SPSB4: variants seen among roughly 807,000 people sequenced by gnomAD.
SPSB4 encodes the protein splA/ryanodine receptor domain and SOCS box containing 4.
Under a neutral mutation model 20.9 loss-of-function variants are expected in SPSB4, and 21 were observed. The ratio of observed to expected loss-of-function variants is 1.01; its 90% CI spans 0.71 to 1.45. The LOEUF (loss-of-function observed/expected upper bound fraction) is 1.45. Among genes scored for constraint, SPSB4 ranks in the 40% most tolerant of loss-of-function variants. The probability of loss-of-function intolerance (pLI) is 0.00; values close to 1 mark genes in which losing one functional copy is unlikely to be tolerated. For missense variants in SPSB4, 399 were observed against 399.2 expected, an observed-to-expected ratio of 1.00 and a Z score of 0.00; for synonymous variants, 207 against 183.8, an observed-to-expected ratio of 1.13 and a Z score of -1.02.
chr3:141,078,455 C>G (rs993610881), intron 2 of SPSB4, among the ~76,000 whole-genome samples: 1 of 152,142 alleles, frequency 6.6e-6, no homozygotes. Context: ...CCACAATGCT[C>G]CAGATTCCCA....
chr3:141,057,315 A>G lies in SPSB4; in HGVS notation c.-154+5323A>G, dbSNP rs1273181689. ...CTCCCTACTTAATATTTGCACAAGA[A>G]AAATCTTAAAAACATTCCAGTTAAA... On this transcript the variant is annotated intron_variant, in intron 1 of 2. Coordinates refer to ENST00000310546, the MANE Select transcript of SPSB4 (RefSeq NM_080862.3). Among the ~76,000 whole-genome samples the G allele has an allele frequency of 2.6e-5, 4 of 152,344 alleles. 1 individual carries two copies. In the East Asian group the frequency reaches 7.7e-4, roughly 29 times the overall value.
At chr3:141,119,162 T>G (rs1385733998) in intron 2 of SPSB4, among the ~76,000 whole-genome samples, 1 of 152,350 alleles carries the variant, frequency 6.6e-6, no homozygotes, top group East Asian at 1.9e-4. Context: ...CTCTTTTATT[T>G]CATTGAGCAG....
intron 1 of SPSB4, among the ~76,000 whole-genome samples, chr3:141,060,017 A>G (rs1201970663): frequency 6.6e-6 from 1 of 152,208 alleles, no homozygotes; most frequent in Admixed American, 6.5e-5. Context: ...ACGGCTTATC[A>G]TTCATGGACA....
intron 2 of SPSB4, chr3:141,115,364 A>G (rs977111226): frequency 3.9e-5 from 6 of 152,238 alleles, no homozygotes; most frequent in Admixed American, 3.9e-4. Context: ...CTGTCAGCTC[A>G]GTGCTGGATC....
intron 2 of SPSB4, among the ~76,000 whole-genome samples, chr3:141,109,994 A>G (rs1938769766): frequency 6.6e-6 from 1 of 152,098 alleles, no homozygotes; most frequent in Admixed American, 6.5e-5. Context: ...CACTCCCTCC[A>G]TCTGTTGGCC....
chr3:141,064,534 TGGTG>T (rs1161237865), intron 1 of SPSB4, among the ~76,000 whole-genome samples: 2 of 152,158 alleles, frequency 1.3e-5, no homozygotes, highest in Non-Finnish European at 2.9e-5. Flanking sequence ...TAAAATGGAA[TGGTG>T]AAAAACCCAC....
At chr3:141,075,599 T>A (rs1020236958) in intron 2 of SPSB4, among the ~76,000 whole-genome samples, 5 of 152,130 alleles carry the variant, frequency 3.3e-5, no homozygotes, top group Admixed American at 6.5e-5. Flanking sequence ...TTAGTAGGAC[T>A]GGGTCGGGCC....
rs563919254 is a variant in SPSB4, at chr3:141,138,735, G to A, written c.695-8407G>A. Among the ~76,000 whole-genome samples the A allele has an allele frequency of 2.0e-5, 3 of 152,292 alleles. No individual in the cohort carries two copies. In the East Asian group the frequency reaches 5.8e-4, roughly 29 times the overall value. ...TAATTTCTGTTCTTTTACATTTGCT[G>A]AGGAGTGTTTTACTTCCAAGTATGT... On this transcript the variant is annotated intron_variant, in intron 2 of 2. Coordinates refer to ENST00000310546, the MANE Select transcript of SPSB4 (RefSeq NM_080862.3).
chr3:141,123,354 ACT>A (rs1939000542), intron 2 of SPSB4, among the ~76,000 whole-genome samples: 1 of 151,922 alleles, frequency 6.6e-6, no homozygotes, highest in South Asian at 2.1e-4. Context: ...AAAGGCAACC[ACT>A]CTCAGAATTT....
chr3:141,066,441 G>A lies in SPSB4; in HGVS notation c.337G>A (p.Ala113Thr). 1.3e-6 allele frequency: 2 copies of A among 1,505,836 alleles called. No homozygotes were observed. Among genetic ancestry groups the A allele is most frequent in the South Asian group, 1.3e-5 (1 of 77,280 alleles). 93.3% of individuals were successfully genotyped at this position (1,505,836 alleles called of 1,614,324 possible). Residue 113 changes from alanine to threonine, a missense_variant, in exon 2 of 3, where the codon GCT becomes ACT. Transcript: ENST00000310546. ...NWPARQRGTH[A>T]VVGVATARAP... ...GCCGGCTCGGCAGCGCGGCACCCAC[G>A]CTGTAGTTGGTGTGGCCACGGCCCG...
intron 2 of SPSB4, among the ~76,000 whole-genome samples, chr3:141,110,096 C>G (rs1443357513): frequency 6.6e-6 from 1 of 152,168 alleles, no homozygotes; most frequent in East Asian, 1.9e-4. Flanking sequence ...CCCTTTGCAG[C>G]CCTGCCTTTG....
chr3:141,128,759 G>A (rs1419013290), intron 2 of SPSB4, among the ~76,000 whole-genome samples: 1 of 152,056 alleles, frequency 6.6e-6, no homozygotes, highest in Non-Finnish European at 1.5e-5. Context: ...GGGGGACAGA[G>A]CATCATGGGG....
intron 2 of SPSB4, among the ~76,000 whole-genome samples, chr3:141,119,007 C>A (rs1039179011): frequency 6.6e-6 from 1 of 151,960 alleles, no homozygotes; most frequent in African/African-American, 2.4e-5. Context: ...TTTAAAGTAG[C>A]TTTTTCCAAT....
intron 2 of SPSB4, among the ~76,000 whole-genome samples, chr3:141,138,405 T>C (rs1939265418): frequency 6.6e-6 from 1 of 152,246 alleles, no homozygotes; most frequent in African/African-American, 2.4e-5. Context: ...CTTGCTTCTT[T>C]AGTTCTTTTA....
At position 141,147,335 on chromosome 3, in the gene SPSB4, A is replaced by G; in HGVS notation, c.*66A>G. 3 of 1,601,990 alleles carry G rather than the reference A, an allele frequency of 1.9e-6. No homozygotes were observed. The highest frequency in any genetic ancestry group is 1.1e-5 in the South Asian group (1 of 90,218). On this transcript the variant is annotated 3_prime_UTR_variant, in exon 3 of 3. Coordinates refer to ENST00000310546, the MANE Select transcript of SPSB4 (RefSeq NM_080862.3). Reference sequence around the variant, plus strand: ...AGGGCCCGACCCTCCTGTCATTCACAGTCCCATGGCACATAGGGGAAAGGA... The same window carrying G: ...AGGGCCCGACCCTCCTGTCATTCACGGTCCCATGGCACATAGGGGAAAGGA...
intron 2 of SPSB4, among the ~76,000 whole-genome samples, chr3:141,103,878 G>C (rs1012944088): frequency 2.7e-5 from 4 of 150,836 alleles, no homozygotes; most frequent in African/African-American, 9.8e-5. Flanking sequence ...AATGGATTCA[G>C]TTATGTTTAG....
chr3:141,110,218 T>C (rs1938774001), intron 2 of SPSB4, among the ~76,000 whole-genome samples: 2 of 151,800 alleles, frequency 1.3e-5, no homozygotes, highest in African/African-American at 4.8e-5. Context: ...AGCCTCCCCA[T>C]CAAAGCCAGA....
chr3:141,135,287 A>G (rs998368033), intron 2 of SPSB4, among the ~76,000 whole-genome samples: 12 of 151,614 alleles, frequency 7.9e-5, no homozygotes, highest in Non-Finnish European at 1.8e-4. Flanking sequence ...AATATACCGT[A>G]ATTTATTTAT....
At chr3:141,055,510 A>T (rs1213098202) in intron 1 of SPSB4, among the ~76,000 whole-genome samples, 1 of 152,090 alleles carries the variant, frequency 6.6e-6, no homozygotes, top group Non-Finnish European at 1.5e-5. Flanking sequence ...GGTTGAATGA[A>T]GAGATTGGTG....
Sources: gnomAD v4.1 joint callset for allele counts (sites outside exome capture counted in the v4.1 genomes callset) on GRCh38, gnomAD v4.1.1 for gene constraint, MANE v1.5 for transcripts, NCBI Gene and HGNC (gene_info 2026-07-23, HGNC 2026-07-21) for gene names.